LRRC4C: variants seen among roughly 807,000 people sequenced by gnomAD.
The protein encoded by LRRC4C is leucine rich repeat containing 4C.
A neutral mutation model predicts 33.6 loss-of-function variants in LRRC4C; 5 were observed. The ratio of observed to expected loss-of-function variants is 0.15; its 90% CI spans 0.08 to 0.31. LRRC4C has a LOEUF of 0.31. Ranked by LOEUF, LRRC4C falls within the 10% of genes least tolerant of loss-of-function variation. The pLI is 1.00. For missense variants in LRRC4C, 560 were observed against 796.7 expected, an observed-to-expected ratio of 0.70 and a Z score of 3.58; for synonymous variants, 329 against 302.0, an observed-to-expected ratio of 1.09 and a Z score of -0.93.
chr11:40,571,944 C>T (rs1485604610), intron 3 of LRRC4C, among the ~76,000 whole-genome samples: 1 of 152,134 alleles, frequency 6.6e-6, no homozygotes, highest in East Asian at 1.9e-4. Context: ...TTCCTGGATG[C>T]AGCAGATTAC....
chr11:41,366,462 T>C (rs555269046), intron 1 of LRRC4C, among the ~76,000 whole-genome samples: 1 of 152,284 alleles, frequency 6.6e-6, no homozygotes, highest in African/African-American at 2.4e-5. Flanking sequence ...TGAAACATCT[T>C]TAATACAATA....
Position 40,154,843 on chromosome 11 carries a change from G to A in LRRC4C, c.-95-13990C>T, listed in dbSNP as rs57516489. ...AAACAATGGATTTAAACTATACCTT[G>A]GAACAAATGGACTTAAACGAATATA... On this transcript the variant is annotated intron_variant, in intron 5 of 6. Transcript: ENST00000528697. Among the ~76,000 whole-genome samples, 531 of 152,172 alleles carry A rather than the reference G, an allele frequency of 3.5e-3. 5 individuals are homozygous for A. Among genetic ancestry groups the A allele is most frequent in the African/African-American group, 0.012 (506 of 41,524 alleles).
chr11:40,511,552 T>C (rs1046490910), intron 3 of LRRC4C, among the ~76,000 whole-genome samples: 17 of 152,188 alleles, frequency 1.1e-4, no homozygotes, highest in African/African-American at 4.1e-4. Flanking sequence ...GAATTCAATG[T>C]AGTGAAGACT....
chr11:41,081,514 C>T (rs75875423), intron 1 of LRRC4C, among the ~76,000 whole-genome samples: 3 of 152,010 alleles, frequency 2.0e-5, no homozygotes, highest in Admixed American at 6.6e-5. Context: ...GCCTGCTAAA[C>T]TTCTCTCCTT....
intron 1 of LRRC4C, among the ~76,000 whole-genome samples, chr11:41,112,968 G>A (rs545979763): frequency 6.6e-6 from 1 of 152,072 alleles, no homozygotes; most frequent in South Asian, 2.1e-4. Context: ...GCGTATATTG[G>A]GTTAAAGGAT....
At chr11:40,202,623 C>G (rs1862849201) in intron 5 of LRRC4C, among the ~76,000 whole-genome samples, 1 of 152,150 alleles carries the variant, frequency 6.6e-6, no homozygotes, top group African/African-American at 2.4e-5. Context: ...ATTTCTAGCT[C>G]TGTAAGGATG....
rs1434650079 is a variant in LRRC4C, at chr11:40,969,888, G to T, written c.-495-36165C>A. Among the ~76,000 whole-genome samples, 3 of 152,176 alleles carry T rather than the reference G, an allele frequency of 2.0e-5. No individual in the cohort carries two copies. The East Asian group carries it at 5.8e-4, about 29-fold the overall frequency. On this transcript the variant is annotated intron_variant, in intron 1 of 6. Coordinates refer to ENST00000528697, the MANE Select transcript of LRRC4C (RefSeq NM_001258419.2). ...AGTTGAACAGACATTATCCCCTTCA[G>T]TTTGCCAAAGTTGTGTTATCCTGTG...
At chr11:40,588,227 T>G (rs1334757352) in intron 3 of LRRC4C, among the ~76,000 whole-genome samples, 1 of 150,932 alleles carries the variant, frequency 6.6e-6, no homozygotes, top group African/African-American at 2.4e-5. Flanking sequence ...GTCCAGGAAT[T>G]TATCCATTTC....
At chr11:40,751,562 A>G (rs1948692464) in intron 2 of LRRC4C, among the ~76,000 whole-genome samples, 1 of 152,206 alleles carries the variant, frequency 6.6e-6, no homozygotes, top group South Asian at 2.1e-4. Context: ...TGGACAATCC[A>G]TACAAGGAAA....
intron 5 of LRRC4C, among the ~76,000 whole-genome samples, chr11:40,241,162 G>A (rs904599811): frequency 7.9e-5 from 12 of 152,112 alleles, no homozygotes; most frequent in African/African-American, 2.9e-4. Context: ...GAAGCCTGGA[G>A]TTCTAATTGC....
At chr11:40,244,582 C>T (rs1451168753) in intron 4 of LRRC4C, among the ~76,000 whole-genome samples, 2 of 152,142 alleles carry the variant, frequency 1.3e-5, no homozygotes, top group Non-Finnish European at 1.5e-5. Flanking sequence ...ATCATTTACT[C>T]CCTTCAAAGT....
intron 2 of LRRC4C, among the ~76,000 whole-genome samples, chr11:40,694,374 G>A (rs1945383825): frequency 6.6e-6 from 1 of 152,068 alleles, no homozygotes; most frequent in Non-Finnish European, 1.5e-5. Context: ...ACCCTCTGTG[G>A]AAATCATCTG....
chr11:41,077,923 C>G (rs572632169), intron 1 of LRRC4C, among the ~76,000 whole-genome samples: 70 of 152,174 alleles, frequency 4.6e-4, no homozygotes, highest in Non-Finnish European at 6.9e-4. Flanking sequence ...GGTAACTTAT[C>G]GAATGCTTTG....
intron 5 of LRRC4C, among the ~76,000 whole-genome samples, chr11:40,195,556 T>C (rs1335755556): frequency 6.6e-6 from 1 of 152,088 alleles, no homozygotes; most frequent in Non-Finnish European, 1.5e-5. Flanking sequence ...AAATTTTTGC[T>C]TTATTGAAAT....
At chr11:40,371,176 T>C (rs570183257) in intron 3 of LRRC4C, among the ~76,000 whole-genome samples, 1 of 152,306 alleles carries the variant, frequency 6.6e-6, no homozygotes, top group South Asian at 2.1e-4. Flanking sequence ...TTTTACACTG[T>C]TCACTTTCTA....
chr11:40,653,018 G>A (rs985619613), intron 2 of LRRC4C, among the ~76,000 whole-genome samples: 8 of 152,202 alleles, frequency 5.3e-5, no homozygotes, highest in East Asian at 1.9e-4. Context: ...CCTGTGAAGC[G>A]GTGCCTTCTG....
chr11:41,303,590 C>G (rs1950354863), intron 1 of LRRC4C, among the ~76,000 whole-genome samples: 1 of 52,016 alleles, frequency 1.9e-5, no homozygotes, highest in African/African-American at 6.9e-5. Flanking sequence ...GCTGCCCAGT[C>G]TGGAAAGTGA....
At chr11:40,584,280 T>A (rs541807532) in intron 3 of LRRC4C, among the ~76,000 whole-genome samples, 3 of 148,124 alleles carry the variant, frequency 2.0e-5, no homozygotes, top group Admixed American at 6.9e-5. Context: ...GTCTATGACC[T>A]CTATCATCCA....
At chr11:40,353,248 G>C (rs1947499006) in intron 3 of LRRC4C, among the ~76,000 whole-genome samples, 1 of 151,594 alleles carries the variant, frequency 6.6e-6, no homozygotes, top group South Asian at 2.1e-4. Flanking sequence ...GATTTTTGTA[G>C]TTGTAGTTCA....
Sources: allele counts gnomAD v4.1 joint callset (sites outside exome capture counted in the v4.1 genomes callset), GRCh38; gene constraint gnomAD v4.1.1; transcripts MANE v1.5; gene names NCBI Gene and HGNC (gene_info 2026-07-23, HGNC 2026-07-21).